The following BMP5 variants were observed in gnomAD, a reference collection of about 807,000 sequenced individuals.
BMP5 encodes the protein bone morphogenetic protein 5.
Under a neutral mutation model 46.6 loss-of-function variants are expected in BMP5, and 23 were observed. That is an observed-to-expected ratio of 0.49 (90% CI 0.35 to 0.70). BMP5 has a LOEUF of 0.70. BMP5 is among the 30% of genes least tolerant of loss of function. The pLI, the probability that BMP5 is intolerant of heterozygous loss-of-function variation, is 0.00. For synonymous variants in BMP5, 204 were observed against 191.9 expected, an observed-to-expected ratio of 1.06 and a Z score of -0.52; for missense variants, 545 against 565.6, an observed-to-expected ratio of 0.96 and a Z score of 0.37.
At position 55,764,434 on chromosome 6, in the gene BMP5, G is replaced by A. The variant is rs910168631; in HGVS notation, c.1028-3901C>T. Among the ~76,000 whole-genome samples, 53 of 152,004 alleles carry A rather than the reference G, an allele frequency of 3.5e-4. 1 individual carries two copies. Among genetic ancestry groups the A allele is most frequent in the Non-Finnish European group, 5.0e-4 (34 of 67,984 alleles). On this transcript the variant is annotated intron_variant, in intron 4 of 6. Transcript: ENST00000370830. ...TAAAAATACGAAAAATTAGCCAGGC[G>A]TAGTGGCGGACGCCTGTAGTCCCAG...
At chr6:55,864,353 A>C (rs1010514769) in intron 1 of BMP5, among the ~76,000 whole-genome samples, 2 of 152,146 alleles carry the variant, frequency 1.3e-5, no homozygotes, top group Non-Finnish European at 2.9e-5. Flanking sequence ...GCCGTTATGA[A>C]TAGATAAATG....
chr6:55,794,301 C>G lies in BMP5; in HGVS notation c.810G>C (p.Gln270His). Residue 270 changes from glutamine to histidine, a missense_variant, in exon 3 of 7, where the codon CAG becomes CAC. By Grantham distance (24) the Gln-to-His change is conservative. Transcript: ENST00000370830. ...TACCATCCCCTGTTTCTGCACAGAGCTGTAAGCCCAAATTATTCTGGGGAT... is the reference window on the plus strand; with the variant it reads ...TACCATCCCCTGTTTCTGCACAGAGGTGTAAGCCCAAATTATTCTGGGGAT... ...VINPQNNLGL[Q>H]LCAETGDGRS... 1 of 1,613,956 alleles carries G rather than the reference C, an allele frequency of 6.2e-7. No homozygotes were observed. Among genetic ancestry groups the G allele is most frequent in the Non-Finnish European group, 8.5e-7 (1 of 1,179,910 alleles).
intron 3 of BMP5, among the ~76,000 whole-genome samples, 170 bp from the exon 4 acceptor site, chr6:55,774,413 T>C (rs1775122742): frequency 6.6e-6 from 1 of 151,922 alleles, no homozygotes; most frequent in South Asian, 2.1e-4. Flanking sequence ...TTACAGACAA[T>C]TATCCATCTA....
intron 2 of BMP5, among the ~76,000 whole-genome samples, chr6:55,809,972 A>G (rs1776087801): frequency 6.6e-6 from 1 of 152,170 alleles, no homozygotes; most frequent in South Asian, 2.1e-4. Flanking sequence ...ATAAAAATAT[A>G]ATGATGGCCA....
intron 1 of BMP5, among the ~76,000 whole-genome samples, chr6:55,867,996 G>A (rs1777691448): frequency 2.6e-5 from 4 of 152,156 alleles, no homozygotes; most frequent in Non-Finnish European, 5.9e-5. Context: ...AGTCATGTGA[G>A]CAGTAATATG....
At chr6:55,766,746 C>G (rs933590828) in intron 4 of BMP5, among the ~76,000 whole-genome samples, 1 of 151,988 alleles carries the variant, frequency 6.6e-6, no homozygotes, top group Non-Finnish European at 1.5e-5. Flanking sequence ...GATTTGGCCC[C>G]TTAATAATTT....
At chr6:55,793,261 T>C (rs1775617963) in intron 3 of BMP5, among the ~76,000 whole-genome samples, 1 of 152,204 alleles carries the variant, frequency 6.6e-6, no homozygotes, top group East Asian at 1.9e-4. Flanking sequence ...GTTCCATGTG[T>C]CTGAATTGCC....
At chr6:55,764,384 T>C (rs1175536224) in intron 4 of BMP5, among the ~76,000 whole-genome samples, 2 of 151,918 alleles carry the variant, frequency 1.3e-5, no homozygotes, top group Admixed American at 1.3e-4. Context: ...CCATTCTGGC[T>C]AACACGGTGA....
intron 4 of BMP5, among the ~76,000 whole-genome samples, chr6:55,767,232 C>A (rs1171375884): frequency 6.6e-6 from 1 of 151,890 alleles, no homozygotes; most frequent in Non-Finnish European, 1.5e-5. Flanking sequence ...GATAAGAAAT[C>A]CTGTGACCAC....
At chr6:55,815,133 CAAA>C (rs35015007) in intron 2 of BMP5, among the ~76,000 whole-genome samples, 5 of 77,984 alleles carry the variant, frequency 6.4e-5, no homozygotes, top group Admixed American at 1.5e-4. Flanking sequence ...AACTCCATCT[CAAA>C]AAAAAAAAAA....
At chr6:55,818,563 A>G (rs1379196991) in intron 2 of BMP5, among the ~76,000 whole-genome samples, 1 of 152,186 alleles carries the variant, frequency 6.6e-6, no homozygotes. Flanking sequence ...TTTAAAAAAG[A>G]CTTTAATATT....
At chr6:55,781,102 A>G (rs1775305253) in intron 3 of BMP5, among the ~76,000 whole-genome samples, 3 of 152,214 alleles carry the variant, frequency 2.0e-5, no homozygotes, top group Admixed American at 2.0e-4. Context: ...TTGTCTTTAT[A>G]TATAGCACCT....
At chr6:55,823,561 C>T (rs770227410) in intron 1 of BMP5, among the ~76,000 whole-genome samples, 18 of 152,010 alleles carry the variant, frequency 1.2e-4, no homozygotes, top group Admixed American at 1.1e-3. Context: ...AACTTGTAAT[C>T]GAAAGATAAC....
At chr6:55,833,312 T>C (rs560562734) in intron 1 of BMP5, among the ~76,000 whole-genome samples, 3 of 152,306 alleles carry the variant, frequency 2.0e-5, no homozygotes, top group East Asian at 1.9e-4. Context: ...AAAGTTCTGC[T>C]TCATTTTCTC....
chr6:55,808,951 C>A (rs1390191568), intron 2 of BMP5, among the ~76,000 whole-genome samples: 1 of 152,180 alleles, frequency 6.6e-6, no homozygotes, highest in Non-Finnish European at 1.5e-5. Flanking sequence ...CCACACTATC[C>A]ATGTACCTTC....
At chr6:55,799,648 T>TAGA (rs1056682276) in intron 2 of BMP5, among the ~76,000 whole-genome samples, 4 of 152,204 alleles carry the variant, frequency 2.6e-5, no homozygotes, top group Non-Finnish European at 2.9e-5. Flanking sequence ...AGCAGGTACT[T>TAGA]ACGCAAATTC....
chr6:55,777,012 T>C (rs1775190802), intron 3 of BMP5, among the ~76,000 whole-genome samples: 2 of 151,964 alleles, frequency 1.3e-5, no homozygotes, highest in Admixed American at 1.3e-4. Context: ...GAACTCCCTT[T>C]AAAATAACTT....
chr6:55,811,300 C>T (rs559220751), intron 2 of BMP5, among the ~76,000 whole-genome samples: 19 of 152,230 alleles, frequency 1.2e-4, no homozygotes, highest in Non-Finnish European at 1.9e-4. Context: ...CTAATGACAT[C>T]GAGCAGGCTA....
At chr6:55,838,596 C>G (rs1438102691) in intron 1 of BMP5, among the ~76,000 whole-genome samples, 1 of 152,126 alleles carries the variant, frequency 6.6e-6, no homozygotes, top group Non-Finnish European at 1.5e-5. Flanking sequence ...CATGTGATGT[C>G]TCTTCACTTT....
Sources: allele counts gnomAD v4.1 joint callset (sites outside exome capture counted in the v4.1 genomes callset), GRCh38; gene constraint gnomAD v4.1.1; transcripts MANE v1.5; gene names NCBI Gene and HGNC (gene_info 2026-07-23, HGNC 2026-07-21).